KIF13B: variants seen among roughly 807,000 people sequenced by gnomAD.
KIF13B encodes the protein kinesin family member 13B.
KIF13B carries 127 observed loss-of-function variants against 222.0 expected under a neutral mutation model. The ratio of observed to expected loss-of-function variants is 0.57; its 90% CI spans 0.50 to 0.66. The LOEUF (loss-of-function observed/expected upper bound fraction) is 0.66, where lower values mean the gene tolerates loss of function less well. Among genes scored for constraint, KIF13B ranks in the 30% least tolerant of loss-of-function variants. The pLI is 0.00. For synonymous variants in KIF13B, 976 were observed against 919.0 expected, an observed-to-expected ratio of 1.06 and a Z score of -1.12; for missense variants, 2,173 against 2,379.0, an observed-to-expected ratio of 0.91 and a Z score of 1.80.
At chr8:29,220,007 T>A (rs995231044) in intron 2 of KIF13B, among the ~76,000 whole-genome samples, 3 of 152,000 alleles carry the variant, frequency 2.0e-5, no homozygotes, top group Admixed American at 2.0e-4. Flanking sequence ...GAGCTTGCAG[T>A]GAGCCGAGAT....
chr8:29,213,581 G>A (rs1814329846), intron 2 of KIF13B, among the ~76,000 whole-genome samples: 1 of 152,178 alleles, frequency 6.6e-6, no homozygotes, highest in Non-Finnish European at 1.5e-5. Context: ...ATAGGCTATT[G>A]CTCCTAGACT....
In KIF13B at chr8:29,070,251, C is replaced by T. The variant is rs1238099537; in HGVS notation, c.*253G>A. 1.6e-5 allele frequency: 9 copies of T among 559,138 alleles called. No individual in the cohort carries two copies. Among genetic ancestry groups the T allele is most frequent in the Non-Finnish European group, 2.5e-5 (8 of 316,550 alleles). 34.6% of individuals were successfully genotyped at this position (559,138 alleles called of 1,614,324 possible). The stretch of plus-strand genomic sequence containing the variant: ...ACCCAGGGTCTCAGTCCTAGCATCC[C>T]CCAGCCCCTGCGGGCACCCAGAACC... On this transcript the variant is annotated 3_prime_UTR_variant, in exon 40 of 40. Coordinates refer to ENST00000524189, the MANE Select transcript of KIF13B (RefSeq NM_015254.4). This position sits in a 1 kb window ranked among gnomAD's most constrained non-coding sequence, Gnocchi z 4.1.
chr8:29,107,223 C>T (rs1183313207), intron 35 of KIF13B, among the ~76,000 whole-genome samples: 2 of 152,112 alleles, frequency 1.3e-5, no homozygotes, highest in East Asian at 1.9e-4. Flanking sequence ...TACATCAGTA[C>T]TTCTCTACAA....
At chr8:29,130,394 T>G in intron 24 of KIF13B, 139 bp downstream of exon 24, 164 of 877,444 alleles carry the variant, frequency 1.9e-4, no homozygotes, top group Non-Finnish European at 2.6e-4. Context: ...ACTTGTGACA[T>G]GAGATAGGAG....
chr8:29,146,076 G>A (rs987275200), intron 18 of KIF13B: 2 of 561,778 alleles, frequency 3.6e-6, no homozygotes, highest in Admixed American at 6.8e-5. Context: ...GACATTCGGG[G>A]AAGATTAATC....
rs753509697 is a variant in KIF13B at position 29,116,853 on chromosome 8, C to G, written c.3815G>C (p.Cys1272Ser). 6.2e-7 allele frequency: 1 copy of G among 1,601,928 alleles called. No individual in the cohort carries two copies. The highest frequency in any genetic ancestry group is 1.7e-5 in the Admixed American group (1 of 59,518). The change falls in exon 31 of 40, where the codon TGT becomes TCT. Residue 1272 changes from cysteine to serine, a missense_variant. By Grantham distance (112) the Cys-to-Ser change is moderately radical. This residue lies in a region of KIF13B where 1,480 missense variants were observed against 1,722.8 expected (regional missense o/e 0.86). Coordinates refer to ENST00000524189, the MANE Select transcript of KIF13B (RefSeq NM_015254.4). Reference sequence around the variant, plus strand: ...AACCTGGCGGCCGTGAACATTGACACAGATTCTCTTGCGTAACACCAGTTG... The same window carrying G: ...AACCTGGCGGCCGTGAACATTGACAGAGATTCTCTTGCGTAACACCAGTTG... The part of the protein sequence containing the change: ...DMQLVLRKRI[C>S]VNVHGRQGFA...
intron 2 of KIF13B, among the ~76,000 whole-genome samples, chr8:29,221,717 CA>C (rs1467811048): frequency 1.3e-5 from 2 of 152,138 alleles, no homozygotes; most frequent in Admixed American, 6.5e-5. Flanking sequence ...TAACTGCTCA[CA>C]CATTTTTAAG....
intron 6 of KIF13B, among the ~76,000 whole-genome samples, chr8:29,184,294 T>C (rs1346927667): frequency 3.9e-5 from 6 of 151,926 alleles, no homozygotes; most frequent in African/African-American, 1.5e-4. Flanking sequence ...GAGATTTTAA[T>C]CCATTTACTT....
intron 10 of KIF13B, among the ~76,000 whole-genome samples, 193 bp downstream of exon 10, chr8:29,175,875 C>G (rs1812455223): frequency 6.6e-6 from 1 of 152,176 alleles, no homozygotes; most frequent in South Asian, 2.1e-4. Flanking sequence ...TTCTAGTAAG[C>G]TAGGATGTGA....
chr8:29,213,682 C>T (rs1401219163), intron 2 of KIF13B, among the ~76,000 whole-genome samples: 2 of 152,108 alleles, frequency 1.3e-5, no homozygotes, highest in East Asian at 1.9e-4. Context: ...GGCACAGTGG[C>T]TCACGCCTGT....
chr8:29,202,413 G>A (rs763925128), intron 2 of KIF13B, among the ~76,000 whole-genome samples: 9 of 152,134 alleles, frequency 5.9e-5, no homozygotes, highest in Non-Finnish European at 1.2e-4. Flanking sequence ...TGCCTTCTGG[G>A]TTCAAGCGAT....
chr8:29,236,167 A>T (rs565331501), intron 2 of KIF13B, among the ~76,000 whole-genome samples: 1 of 152,302 alleles, frequency 6.6e-6, no homozygotes, highest in South Asian at 2.1e-4. Context: ...AACACTGAAA[A>T]TTTGATGCCA....
At chr8:29,113,733 A>C (rs1331658398) in intron 31 of KIF13B, among the ~76,000 whole-genome samples, 178 bp from the exon 32 acceptor site, 2 of 152,210 alleles carry the variant, frequency 1.3e-5, no homozygotes, top group Admixed American at 6.5e-5. Context: ...ATGGTACGAA[A>C]CCAACTTATT....
chr8:29,235,115 T>G lies in KIF13B; in HGVS notation c.149+10231A>C, dbSNP rs1271870037. ...TTATTCTACCGTATAATCCTAATAT[T>G]AGATCACAAAGAAACATCAAACTTA... On this transcript the variant is annotated intron_variant, in intron 2 of 39. Coordinates refer to ENST00000524189, the MANE Select transcript of KIF13B (RefSeq NM_015254.4). 2.0e-5 allele frequency among the ~76,000 whole-genome samples: 3 copies of G among 152,170 alleles called. No homozygotes were observed. The East Asian group carries it at 5.8e-4, about 29-fold the overall frequency.
At chr8:29,135,820 C>T (rs1449554055) in intron 21 of KIF13B, among the ~76,000 whole-genome samples, 7 of 152,106 alleles carry the variant, frequency 4.6e-5, no homozygotes, top group Non-Finnish European at 8.8e-5. Context: ...CGCTTCAACC[C>T]GGGAGGCGGA....
rs780450879 is a variant in KIF13B, at chr8:29,147,482, G to A, written c.1934C>T (p.Ser645Phe). The change falls in exon 17 of 40, where the codon TCT (serine) becomes TTT (phenylalanine). Residue 645 changes from serine to phenylalanine, a missense_variant. This residue lies in a region of KIF13B where 1,480 missense variants were observed against 1,722.8 expected (regional missense o/e 0.86). Coordinates refer to ENST00000524189, the MANE Select transcript of KIF13B (RefSeq NM_015254.4). ...HELEQLRRRL[S>F]PEKQNCRSMD... ...GCTCCGGCAGTTCTGCTTCTCAGGA[G>A]ACAGCCTTCTCCGGAGCTGCTCCAA... 1 of 1,613,476 alleles carries A rather than the reference G, an allele frequency of 6.2e-7. No individual in the cohort carries two copies. Among genetic ancestry groups the A allele is most frequent in the Non-Finnish European group, 8.5e-7 (1 of 1,179,736 alleles).
chr8:29,154,294 G>A (rs1486585790), intron 14 of KIF13B, among the ~76,000 whole-genome samples: 1 of 152,070 alleles, frequency 6.6e-6, no homozygotes, highest in Non-Finnish European at 1.5e-5. Context: ...TACAGCCTGG[G>A]TGACAGAATA....
At chr8:29,213,575 GCTATTGCTC>G (rs1814329302) in intron 2 of KIF13B, among the ~76,000 whole-genome samples, 2 of 152,144 alleles carry the variant, frequency 1.3e-5, no homozygotes, top group African/African-American at 4.8e-5. Context: ...TATGGTATAG[GCTATTGCTC>G]CTAGACTACA....
At chr8:29,158,227 T>C (rs1229783122) in intron 13 of KIF13B, among the ~76,000 whole-genome samples, 2 of 152,222 alleles carry the variant, frequency 1.3e-5, no homozygotes, top group African/African-American at 4.8e-5. Flanking sequence ...TCCATGACAC[T>C]GACTGACTGT....
Sources: gnomAD v4.1 joint callset for allele counts (sites outside exome capture counted in the v4.1 genomes callset) on GRCh38, gnomAD v4.1.1 for gene constraint, gnomAD v4.1.1 regional missense constraint, Gnocchi (gnomAD v3.1) non-coding constraint, MANE v1.5 for transcripts, NCBI Gene and HGNC (gene_info 2026-07-23, HGNC 2026-07-21) for gene names.